The following ZBTB5 variants were observed in gnomAD, a reference collection of about 807,000 sequenced individuals.
ZBTB5 encodes zinc finger and BTB domain-containing protein 5.
In ZBTB5, 15 loss-of-function variants were observed where a neutral mutation model predicts 37.9. The observed-to-expected ratio is 0.40, with a 90% CI of 0.26 to 0.61. The LOEUF (loss-of-function observed/expected upper bound fraction) is 0.61, where lower values mean the gene tolerates loss of function less well. ZBTB5 is among the 20% of genes least tolerant of loss of function. ZBTB5 has a pLI of 0.47. For synonymous variants in ZBTB5, 315 were observed against 312.4 expected (o/e 1.01, Z -0.09); for missense variants, 708 against 856.8 (o/e 0.83, Z 2.17).
At chr9:37,464,911 C>T (rs1824362777) in intron 1 of ZBTB5, among the ~76,000 whole-genome samples, 2 of 152,236 alleles carry the variant, frequency 1.3e-5, no homozygotes, top group South Asian at 4.1e-4. Context: ...GCCGCTGGTC[C>T]TGAGGCCTTT....
At chr9:37,452,660 A>G (rs182382710) in intron 1 of ZBTB5, among the ~76,000 whole-genome samples, 24 of 152,366 alleles carry the variant, frequency 1.6e-4, no homozygotes, top group Admixed American at 6.5e-4. Flanking sequence ...AATATGGGGC[A>G]AAATCCCAGC....
intron 1 of ZBTB5, among the ~76,000 whole-genome samples, chr9:37,449,694 C>CAAA (rs60696023): frequency 3.8e-4 from 19 of 49,880 alleles, no homozygotes; most frequent in Non-Finnish European, 5.0e-4. Context: ...ATGAGACTCT[C>CAAA]AAAAAAAAAA....
At position 37,440,205 on chromosome 9, in the gene ZBTB5, A is replaced by T. The variant is rs898926214; in HGVS notation, c.*313T>A. 14 of 330,586 alleles carry T rather than the reference A, an allele frequency of 4.2e-5. No homozygotes were observed. Among genetic ancestry groups the T allele is most frequent in the Middle Eastern group, 9.1e-4 (1 of 1,104 alleles). The allele number at this position is 330,586 out of a possible 1,614,324, so 20.5% of individuals were successfully genotyped here. A position where few individuals can be genotyped will look rare whatever the true frequency, so the allele number is the denominator to read the frequency against. The stretch of plus-strand genomic sequence containing the variant: ...ACAGTTTTACAAAAATTGCTAAAAA[A>T]TTTTTTTTGCACTTCAATTTTTAAA... On this transcript the variant is annotated 3_prime_UTR_variant, in exon 2 of 2. Coordinates refer to ENST00000307750, the MANE Select transcript of ZBTB5 (RefSeq NM_014872.3).
At position 37,440,876 on chromosome 9, in the gene ZBTB5, C is replaced by T. The variant is rs1437436481; in HGVS notation, c.1676G>A (p.Ser559Asn). 2 of 1,614,048 alleles carry T rather than the reference C, an allele frequency of 1.2e-6. No individual in the cohort carries two copies. The highest frequency in any genetic ancestry group is 2.2e-5 in the East Asian group (1 of 44,898). ...AGCTCCATTCATCATTAGCTGAGAA[C>T]TGGTAGAGTTTTCTGGGATCTGTGA... is the stretch of plus-strand genomic sequence containing the variant. ...RSSQIPENST[S>N]SQLMMNGATS... Residue 559 changes from serine to asparagine, a missense_variant, in exon 2 of 2, where the codon AGT becomes AAT. Around this residue, in one of 3 missense-constraint regions of ZBTB5, gnomAD observed 639 missense variants for 690.5 expected, o/e 0.93. Coordinates refer to ENST00000307750, the MANE Select transcript of ZBTB5 (RefSeq NM_014872.3).
intron 1 of ZBTB5, among the ~76,000 whole-genome samples, chr9:37,460,132 T>C (rs776522397): frequency 1.4e-4 from 22 of 152,074 alleles, no homozygotes; most frequent in Non-Finnish European, 2.9e-4. Context: ...AAGAAACTTC[T>C]TTCTTAATGA....
chr9:37,453,350 C>CT (rs35497538), intron 1 of ZBTB5, among the ~76,000 whole-genome samples: 124 of 145,746 alleles, frequency 8.5e-4, no homozygotes, highest in East Asian at 1.6e-3. Context: ...CCACACGCAG[C>CT]TTTTTTTTTT....
chr9:37,463,061 T>C (rs1326535069), intron 1 of ZBTB5, among the ~76,000 whole-genome samples: 2 of 152,166 alleles, frequency 1.3e-5, no homozygotes, highest in Non-Finnish European at 2.9e-5. Context: ...CTAATCTGTT[T>C]GGGATGTCAA....
chr9:37,458,720 A>G (rs1403481715), intron 1 of ZBTB5, among the ~76,000 whole-genome samples: 1 of 152,238 alleles, frequency 6.6e-6, no homozygotes, highest in East Asian at 1.9e-4. Context: ...ACATTGTATA[A>G]TAAATGAGTC....
rs370567086 is a variant in ZBTB5 at position 37,441,277 on chromosome 9, C to A, written c.1275G>T (p.Gln425His). 6.2e-7 allele frequency: 1 copy of A among 1,614,160 alleles called. No homozygotes were observed. Among genetic ancestry groups the A allele is most frequent in the Non-Finnish European group, 8.5e-7 (1 of 1,180,030 alleles). ...TGTTTGGAATATTATCATCATTGTT[C>A]TGATTTGCAGTAAAGTTATTTCCTC... The part of the protein sequence containing the change: ...KSRGNNFTAN[Q>H]NNDDNIPNTT... The change falls in exon 2 of 2, where the codon CAG becomes CAT. Residue 425 changes from glutamine (Q) to histidine (H), a missense_variant. Coordinates refer to ENST00000307750, the MANE Select transcript of ZBTB5 (RefSeq NM_014872.3).
intron 1 of ZBTB5, among the ~76,000 whole-genome samples, chr9:37,444,959 G>A (rs1040316078): frequency 6.6e-6 from 1 of 151,934 alleles, no homozygotes; most frequent in Non-Finnish European, 1.5e-5. Flanking sequence ...GTCTCCAAGG[G>A]GGGTGGGAAA....
At chr9:37,454,031 CCT>C (rs1282919294) in intron 1 of ZBTB5, among the ~76,000 whole-genome samples, 2 of 152,166 alleles carry the variant, frequency 1.3e-5, no homozygotes, top group Admixed American at 6.5e-5. Context: ...AGTGAACTCC[CCT>C]TTTACCTTAA....
Position 37,439,287 on chromosome 9 carries a change from A to C in ZBTB5, c.*1231T>G, listed in dbSNP as rs1264440346. ...CCAGAGAGGCCCTAGTGCCTCCAAC[A>C]GTCTCAGATGCTACTTGATTACTTC... On this transcript the variant is annotated 3_prime_UTR_variant, in exon 2 of 2. Coordinates refer to ENST00000307750, the MANE Select transcript of ZBTB5 (RefSeq NM_014872.3). 6.6e-6 allele frequency: 1 copy of C among 152,248 alleles called. No individual in the cohort carries two copies. Among genetic ancestry groups the C allele is most frequent in the Non-Finnish European group, 1.5e-5 (1 of 68,054 alleles). 9.4% of individuals were successfully genotyped at this position (152,248 alleles called of 1,614,324 possible).
At chr9:37,457,807 A>AGAAGGGGTT (rs2118956469) in intron 1 of ZBTB5, among the ~76,000 whole-genome samples, 1 of 152,318 alleles carries the variant, frequency 6.6e-6, no homozygotes, top group Non-Finnish European at 1.5e-5. Context: ...GTAAAGGTGG[A>AGAAGGGGTT]GAAGGGGTTG....
rs550904176 is a variant in ZBTB5 at position 37,455,588 on chromosome 9, A to AGAGCTTGC, written c.-5+9619_-5+9626dup. ...TGCCACCGTGGGGCCAGAGCCTAAA[A>AGAGCTTGC]GAGCTTGCCCCAGCTCCTGCCCCTG... On this transcript the variant is annotated intron_variant, in intron 1 of 1. Transcript: ENST00000307750. Among the ~76,000 whole-genome samples, 21 of 152,300 alleles carry AGAGCTTGC rather than the reference A, an allele frequency of 1.4e-4. No homozygotes were observed. The East Asian group carries it at 4.1e-3, about 29-fold the overall frequency.
chr9:37,450,017 T>G (rs1227685110), intron 1 of ZBTB5, among the ~76,000 whole-genome samples: 1 of 152,124 alleles, frequency 6.6e-6, no homozygotes, highest in Admixed American at 6.6e-5. Context: ...ATGGCCAGCC[T>G]TCCCCATGTG....
intron 1 of ZBTB5, among the ~76,000 whole-genome samples, chr9:37,457,746 T>C (rs988173635): frequency 2.0e-5 from 3 of 152,236 alleles, no homozygotes; most frequent in African/African-American, 7.2e-5. Context: ...CATGGTAGCG[T>C]TGACAACAGA....
intron 1 of ZBTB5, among the ~76,000 whole-genome samples, chr9:37,463,575 A>C (rs1824333437): frequency 6.6e-6 from 1 of 152,188 alleles, no homozygotes; most frequent in Non-Finnish European, 1.5e-5. Context: ...AATTCGATAT[A>C]ATTCATGCTG....
chr9:37,442,901 TA>T (rs1823912526), intron 1 of ZBTB5, among the ~76,000 whole-genome samples: 1 of 152,198 alleles, frequency 6.6e-6, no homozygotes, highest in Admixed American at 6.5e-5. Flanking sequence ...CTGCATTCCC[TA>T]AGGATGAGGA....
intron 1 of ZBTB5, among the ~76,000 whole-genome samples, chr9:37,460,408 C>T (rs1246718230): frequency 1.3e-5 from 2 of 151,870 alleles, no homozygotes; most frequent in African/African-American, 4.8e-5. Flanking sequence ...TGCGCTGGAT[C>T]CAGCCTGGGC....
Sources: gnomAD v4.1 joint callset for allele counts (sites outside exome capture counted in the v4.1 genomes callset) on GRCh38, gnomAD v4.1.1 for gene constraint, gnomAD v4.1.1 regional missense constraint, MANE v1.5 for transcripts, NCBI Gene and HGNC (gene_info 2026-07-23, HGNC 2026-07-21) for gene names.